Variants in COLEC10 observed in about 807,000 individuals in gnomAD.
COLEC10 encodes the protein collectin-10.
COLEC10 carries 22 observed loss-of-function variants against 28.4 expected under a neutral mutation model. The observed-to-expected ratio is 0.78, with a 90% CI of 0.55 to 1.11. COLEC10 has a LOEUF of 1.11. Ranked by LOEUF, COLEC10 falls within the 50% of genes least tolerant of loss-of-function variation. COLEC10 has a pLI of 0.00. For missense variants in COLEC10, 361 were observed against 344.1 expected (o/e 1.05, Z -0.39); for synonymous variants, 125 against 116.1 (o/e 1.08, Z -0.49).
At chr8:119,097,984 T>C (rs1363482374) in intron 3 of COLEC10, among the ~76,000 whole-genome samples, 1 of 152,132 alleles carries the variant, frequency 6.6e-6, no homozygotes, top group Non-Finnish European at 1.5e-5. Flanking sequence ...TTCACATTGC[T>C]GTGCAAATAT....
At chr8:119,037,905 A>G (rs549155698) in intron 2 of COLEC10, among the ~76,000 whole-genome samples, 1 of 152,344 alleles carries the variant, frequency 6.6e-6, no homozygotes, top group South Asian at 2.1e-4. Flanking sequence ...TATATTAAAT[A>G]TAAACTTTTG....
intron 2 of COLEC10, among the ~76,000 whole-genome samples, chr8:119,013,921 G>A (rs551522257): frequency 6.6e-6 from 1 of 150,738 alleles, no homozygotes; most frequent in East Asian, 1.9e-4. Flanking sequence ...AAGCAATAAT[G>A]TATTGTTTCA....
intron 2 of COLEC10, among the ~76,000 whole-genome samples, chr8:119,014,214 T>C (rs764897985): frequency 8.6e-5 from 13 of 150,866 alleles, no homozygotes; most frequent in Non-Finnish European, 7.4e-5. Flanking sequence ...ATTTACCTTT[T>C]CTTTAAAGAA....
At chr8:119,034,013 CTAGA>C (rs1338516735) in intron 2 of COLEC10, among the ~76,000 whole-genome samples, 1 of 152,136 alleles carries the variant, frequency 6.6e-6, no homozygotes, top group African/African-American at 2.4e-5. Flanking sequence ...AATAAATAGA[CTAGA>C]TAAAGAAAAT....
chr8:119,084,113 T>A (rs997635872), intron 1 of COLEC10, among the ~76,000 whole-genome samples: 1 of 152,172 alleles, frequency 6.6e-6, no homozygotes, highest in Non-Finnish European at 1.5e-5. Context: ...ATCACAAAGC[T>A]ATTAAAGTGA....
chr8:119,022,321 A>G (rs554784964), intron 2 of COLEC10, among the ~76,000 whole-genome samples: 1 of 152,268 alleles, frequency 6.6e-6, no homozygotes, highest in East Asian at 1.9e-4. Flanking sequence ...CCACTCCCAT[A>G]GTCAAGTATT....
At position 119,102,365 on chromosome 8, in the gene COLEC10, G is replaced by C; in HGVS notation, c.310G>C (p.Gly104Arg). Residue 104 changes from glycine (G) to arginine (R), a missense_variant, in exon 4 of 6, where the codon GGT becomes CGT. By Grantham distance (125) the Gly-to-Arg change is moderately radical. Transcript: ENST00000332843. ...IGKKGDKGEKGLLGIPGEKGK... is the reference protein window; with the variant it reads ...IGKKGDKGEKRLLGIPGEKGK... The stretch of plus-strand genomic sequence containing the variant: ...TTTTTCAGGTGACAAAGGGGAAAAA[G>C]GTTTGCTTGGAATACCTGGAGAAAA... 6.2e-7 allele frequency: 1 copy of C among 1,607,192 alleles called. No individual in the cohort carries two copies.
intron 3 of COLEC10, among the ~76,000 whole-genome samples, chr8:119,101,885 G>T (rs1815835715): frequency 1.3e-5 from 2 of 152,076 alleles, no homozygotes; most frequent in Non-Finnish European, 2.9e-5. Flanking sequence ...ACACTACAGT[G>T]TGCTAACAAA....
chr8:119,078,990 TACACACACACACAC>T (rs59453751), intron 1 of COLEC10, among the ~76,000 whole-genome samples: 4,426 of 143,064 alleles, frequency 0.031, 115 homozygotes, highest in African/African-American at 0.064. Context: ...TGGGAAAACG[TACACACACACACAC>T]ACACACACAC....
chr8:119,034,152 A>G, intron 2 of COLEC10, among the ~76,000 whole-genome samples: 1 of 152,214 alleles, frequency 6.6e-6, no homozygotes, highest in East Asian at 1.9e-4. Context: ...ACAGAAAACC[A>G]AACACCACAT....
At chr8:118,973,248 T>C in the COLEC10 span, among the ~76,000 whole-genome samples, 3 of 152,010 alleles carry the variant, frequency 2.0e-5, no homozygotes, top group Admixed American at 2.0e-4. Context: ...ACCACAATAT[T>C]AGCAGCTTAA....
chr8:119,074,232 A>C (rs1361665408), intron 1 of COLEC10, among the ~76,000 whole-genome samples: 2 of 152,130 alleles, frequency 1.3e-5, no homozygotes, highest in Non-Finnish European at 2.9e-5. Context: ...TGATAGGACA[A>C]CAGGGGAACT....
chr8:118,964,530 A>T, the COLEC10 span, among the ~76,000 whole-genome samples: 1 of 152,312 alleles, frequency 6.6e-6, no homozygotes, highest in African/African-American at 2.4e-5. Flanking sequence ...GTCCACTTTA[A>T]CAAAGAGTTT....
At chr8:118,959,214 A>T in the COLEC10 span, among the ~76,000 whole-genome samples, 2 of 152,220 alleles carry the variant, frequency 1.3e-5, no homozygotes, top group African/African-American at 4.8e-5. Context: ...CTTTTTAAAG[A>T]ACAACAAAAA....
intron 2 of COLEC10, among the ~76,000 whole-genome samples, chr8:119,020,834 C>A (rs1441259923): frequency 6.6e-6 from 1 of 152,042 alleles, no homozygotes; most frequent in African/African-American, 2.4e-5. Context: ...AAGAAAATAA[C>A]CCCTTTTATT....
chr8:119,037,091 A>G (rs1814402635), intron 2 of COLEC10, among the ~76,000 whole-genome samples: 2 of 152,166 alleles, frequency 1.3e-5, no homozygotes, highest in African/African-American at 4.8e-5. Flanking sequence ...CAAAAAATCC[A>G]AAGGATCCCA....
Position 119,106,077 on chromosome 8 carries a change from C to A in COLEC10, c.720C>A (p.Ser240Arg), listed in dbSNP as rs761419555. The part of the protein sequence containing the change: ...NYSNWNEGEP[S>R]DPYGHEDCVE... ...GCAACTGGAATGAGGGGGAACCCAG[C>A]GACCCCTATGGTCATGAGGACTGTG... is the stretch of plus-strand genomic sequence containing the variant. Residue 240 changes from serine to arginine, a missense_variant, in exon 6 of 6, where the codon AGC becomes AGA. By Grantham distance (110) the Ser-to-Arg change is moderately radical (BLOSUM62 -1). Around this residue, in one of 3 missense-constraint regions of COLEC10, gnomAD observed 335 missense variants for 308.5 expected, o/e 1.09. Transcript: ENST00000332843. 1.5e-5 allele frequency: 24 copies of A among 1,613,884 alleles called. No individual in the cohort carries two copies. The highest frequency in any genetic ancestry group is 1.9e-5 in the Non-Finnish European group (22 of 1,179,872).
chr8:119,001,902 G>A (rs928831151), intron 1 of COLEC10, among the ~76,000 whole-genome samples: 1 of 152,142 alleles, frequency 6.6e-6, no homozygotes, highest in Non-Finnish European at 1.5e-5. Context: ...TGATACCACA[G>A]CCTGACTAGC....
intron 1 of COLEC10, among the ~76,000 whole-genome samples, chr8:119,085,883 G>T (rs184484268): frequency 6.6e-6 from 1 of 151,990 alleles, no homozygotes; most frequent in Non-Finnish European, 1.5e-5. Context: ...CTCCCAAAGT[G>T]CTGAGATTAC....
Sources: gnomAD v4.1 joint callset for allele counts (sites outside exome capture counted in the v4.1 genomes callset) on GRCh38, gnomAD v4.1.1 for gene constraint, gnomAD v4.1.1 regional missense constraint, MANE v1.5 for transcripts, NCBI Gene and HGNC (gene_info 2026-07-23, HGNC 2026-07-21) for gene names.